The following VPS13C variants were observed in gnomAD, a reference collection of about 807,000 sequenced individuals.
VPS13C encodes intermembrane lipid transfer protein VPS13C.
In VPS13C, 358 loss-of-function variants were observed where a neutral mutation model predicts 456.8. The observed-to-expected ratio is 0.78, with a 90% CI of 0.72 to 0.86. The LOEUF is 0.86. VPS13C is among the 40% of genes least tolerant of loss of function. The pLI, the probability that VPS13C is intolerant of heterozygous loss-of-function variation, is 0.00. For synonymous variants in VPS13C, 1,578 were observed against 1,486.7 expected, an observed-to-expected ratio of 1.06 and a Z score of -1.41; for missense variants, 4,818 against 4,385.4, an observed-to-expected ratio of 1.10 and a Z score of -2.79.
At chr15:61,914,878 T>TTAAAAAAA (rs1455691773) in intron 61 of VPS13C, among the ~76,000 whole-genome samples, 3 of 102,052 alleles carry the variant, frequency 2.9e-5, no homozygotes, top group African/African-American at 1.1e-4. Context: ...AACTCTGCCT[T>TTAAAAAAA]AAAAAAAAAA....
chr15:61,997,672 C>A (rs34445138), intron 16 of VPS13C, among the ~76,000 whole-genome samples: 3,467 of 152,252 alleles, frequency 0.023, 48 homozygotes, highest in Non-Finnish European at 0.029. Context: ...TACTCTCTCT[C>A]CTACAACTCA....
At chr15:62,038,406 T>C (rs527238361) in intron 3 of VPS13C, among the ~76,000 whole-genome samples, 59 of 152,022 alleles carry the variant, frequency 3.9e-4, no homozygotes, top group African/African-American at 1.4e-3. Flanking sequence ...ATGGGCAACA[T>C]GATGAAACTG....
intron 82 of VPS13C, among the ~76,000 whole-genome samples, chr15:61,861,873 A>G (rs4775443): frequency 0.5 from 76,149 of 152,020 alleles, 19,299 homozygotes; most frequent in Admixed American, 0.59. Flanking sequence ...GCCAAGGTGG[A>G]CGGATCACTT....
At position 61,940,968 on chromosome 15, in the gene VPS13C, A is replaced by G. The variant is rs8033816; in HGVS notation, c.5454-174T>C. ...TTAAGATCAATCTAAATCACAACAC[A>G]TAAGTTTATATGCAGAGCTATCCAA... is the stretch of plus-strand genomic sequence containing the variant. On this transcript the variant is annotated intron_variant, in intron 46 of 84. Transcript: ENST00000644861. Among the ~76,000 whole-genome samples, 68,447 of 152,040 alleles carry G rather than the reference A, an allele frequency of 0.45. 15,803 individuals are homozygous for G. Among genetic ancestry groups the G allele is most frequent in the Admixed American group, 0.54 (8,313 of 15,278 alleles).
In VPS13C at chr15:61,944,235, C is replaced by G. The variant is rs7175081; in HGVS notation, c.5148+1480G>C. Among the ~76,000 whole-genome samples, 901 of 152,210 alleles carry G rather than the reference C, an allele frequency of 5.9e-3. 7 individuals are homozygous for G. The highest frequency in any genetic ancestry group is 0.021 in the African/African-American group (856 of 41,518). ...TGTAGAAAGCAATTTAGAGATTTCT[C>G]AAAGAACTCAAAACAAAACTACCAT... On this transcript the variant is annotated intron_variant, in intron 45 of 84. Transcript: ENST00000644861.
chr15:61,908,492 A>G (rs1018885803), intron 65 of VPS13C, among the ~76,000 whole-genome samples: 2 of 152,108 alleles, frequency 1.3e-5, no homozygotes, highest in African/African-American at 4.8e-5. Context: ...CCTATCAGCC[A>G]ATGATATACA....
chr15:61,985,860 C>T (rs1020244828), intron 18 of VPS13C, among the ~76,000 whole-genome samples: 1 of 151,988 alleles, frequency 6.6e-6, no homozygotes. Flanking sequence ...TCAAAGGGGA[C>T]AGCCTAGAGG....
intron 49 of VPS13C, among the ~76,000 whole-genome samples, 179 bp downstream of exon 49, chr15:61,934,040 G>A (rs879700661): frequency 6.6e-6 from 1 of 152,034 alleles, no homozygotes; most frequent in Non-Finnish European, 1.5e-5. Flanking sequence ...TGGAAGATTA[G>A]AAACACTAAC....
At chr15:61,938,491 A>AG (rs1167165963) in intron 47 of VPS13C, among the ~76,000 whole-genome samples, 1 of 152,096 alleles carries the variant, frequency 6.6e-6, no homozygotes, top group Non-Finnish European at 1.5e-5. Context: ...CTATGACCAA[A>AG]GGGGGGTGTT....
At chr15:61,907,193 A>G (rs1338858900) in intron 66 of VPS13C, 71 bp downstream of exon 66, 8 of 1,604,228 alleles carry the variant, frequency 5.0e-6, no homozygotes, top group Non-Finnish European at 6.8e-6. Flanking sequence ...ACAAGGAGTC[A>G]GTGAAGATAG....
chr15:62,040,012 G>C (rs2048187949), intron 3 of VPS13C, among the ~76,000 whole-genome samples: 1 of 152,098 alleles, frequency 6.6e-6, no homozygotes, highest in Non-Finnish European at 1.5e-5. Context: ...ATACACAATG[G>C]AGTACTATTC....
intron 38 of VPS13C, 82 bp downstream of exon 38, chr15:61,954,339 T>C (rs1272468620): frequency 6.8e-7 from 1 of 1,461,828 alleles, no homozygotes; most frequent in Non-Finnish European, 9.3e-7. Flanking sequence ...TCAGTATCAA[T>C]TATCTGTAAG....
intron 15 of VPS13C, among the ~76,000 whole-genome samples, chr15:62,004,486 A>G (rs556248416): frequency 1.3e-4 from 20 of 148,814 alleles, no homozygotes; most frequent in African/African-American, 9.9e-5. Context: ...TGGATTCATT[A>G]ATTTTTTGAA....
intron 66 of VPS13C, among the ~76,000 whole-genome samples, chr15:61,903,284 C>A (rs931748184): frequency 4.1e-4 from 62 of 151,714 alleles, no homozygotes; most frequent in African/African-American, 1.4e-3. Flanking sequence ...TGGAGTGAAC[C>A]ATGATCACAC....
At position 61,890,160 on chromosome 15, in the gene VPS13C, C is replaced by T. The variant is rs370506951; in HGVS notation, c.9341+5G>A. ...TTAGGATGTCTTATTTTCCTTCTTG[C>T]ATACCTGGTTATCCCAATATAGGAA... On this transcript the variant is annotated splice_donor_5th_base_variant and intron_variant, in intron 67 of 84. Transcript: ENST00000644861. 6 of 1,613,266 alleles carry T rather than the reference C, an allele frequency of 3.7e-6. No homozygotes were observed. The highest frequency in any genetic ancestry group is 5.1e-6 in the Non-Finnish European group (6 of 1,179,486).
intron 3 of VPS13C, among the ~76,000 whole-genome samples, chr15:62,036,931 C>A (rs1002761387): frequency 4.0e-5 from 6 of 150,726 alleles, no homozygotes; most frequent in African/African-American, 1.5e-4. Context: ...ACTGACCCTA[C>A]AGGTTAGGTA....
At chr15:62,056,330 C>T (rs977057662) in intron 1 of VPS13C, among the ~76,000 whole-genome samples, 2 of 152,112 alleles carry the variant, frequency 1.3e-5, no homozygotes, top group African/African-American at 4.8e-5. Flanking sequence ...CCTCGCTGTA[C>T]AATCATAACC....
At chr15:61,944,179 A>G (rs1596363805) in intron 45 of VPS13C, among the ~76,000 whole-genome samples, 2 of 152,124 alleles carry the variant, frequency 1.3e-5, no homozygotes, top group Admixed American at 1.3e-4. Flanking sequence ...GAACAATTAC[A>G]TAACTATTCA....
rs531683245 is a variant in VPS13C at position 61,932,525 on chromosome 15, TA to T, written c.5869-1267del. ...CAAATTCTCTCAGTATGTCCAGATTTAAAAAAAAAAAAACCCCAGCCAATCA... is the reference window on the plus strand; with the variant it reads ...CAAATTCTCTCAGTATGTCCAGATTTAAAAAAAAAAAACCCCAGCCAATCA... On this transcript the variant is annotated intron_variant, in intron 49 of 84. Transcript: ENST00000644861. Among the ~76,000 whole-genome samples the T allele has an allele frequency of 5.9e-3, 836 of 141,698 alleles. 7 individuals carry two copies. Among genetic ancestry groups the T allele is most frequent in the African/African-American group, 0.018 (694 of 38,900 alleles). The allele number at this position is 141,698 out of a possible 152,430, so 93.0% of individuals were successfully genotyped here. A position where few individuals can be genotyped will look rare whatever the true frequency, so the allele number is the denominator to read the frequency against.
Sources: gnomAD v4.1 joint callset for allele counts (sites outside exome capture counted in the v4.1 genomes callset) on GRCh38, gnomAD v4.1.1 for gene constraint, MANE v1.5 for transcripts, NCBI Gene and HGNC (gene_info 2026-07-23, HGNC 2026-07-21) for gene names.